PTPN12: variants seen among roughly 807,000 people sequenced by gnomAD.
The protein encoded by PTPN12 is protein tyrosine phosphatase non-receptor type 12, also known as tyrosine-protein phosphatase non-receptor type 12.
A neutral mutation model predicts 97.6 loss-of-function variants in PTPN12; 29 were observed. The ratio of observed to expected loss-of-function variants is 0.30; its 90% CI spans 0.22 to 0.41. The LOEUF (loss-of-function observed/expected upper bound fraction) is 0.41, where lower values mean the gene tolerates loss of function less well. Ranked by LOEUF, PTPN12 falls within the 10% of genes least tolerant of loss-of-function variation. The probability of loss-of-function intolerance (pLI) is 1.00; values close to 1 mark genes in which losing one functional copy is unlikely to be tolerated. For missense variants in PTPN12, 819 were observed against 926.0 expected, an observed-to-expected ratio of 0.88 and a Z score of 1.50; for synonymous variants, 327 against 300.4, an observed-to-expected ratio of 1.09 and a Z score of -0.91.
chr7:77,568,038 GT>G (rs1808330981), intron 1 of PTPN12, among the ~76,000 whole-genome samples: 3 of 152,102 alleles, frequency 2.0e-5, no homozygotes, highest in South Asian at 4.1e-4. Context: ...ACAAAACAAA[GT>G]TTTTACTTGT....
At chr7:77,575,800 T>C (rs1787323883) in intron 2 of PTPN12, among the ~76,000 whole-genome samples, 1 of 152,198 alleles carries the variant, frequency 6.6e-6, no homozygotes, top group Admixed American at 6.5e-5. Context: ...TCCTTTTCTG[T>C]GAATTTAATA....
chr7:77,609,617 A>C (rs1031701334), intron 9 of PTPN12, among the ~76,000 whole-genome samples: 6 of 149,098 alleles, frequency 4.0e-5, no homozygotes, highest in Admixed American at 1.3e-4. Flanking sequence ...GCGGTGGCTC[A>C]CGCCTGTAAT....
rs758489821 is a variant in PTPN12 at position 77,627,252 on chromosome 7, C to G, written c.1573C>G (p.Arg525Gly). ...QNSDTPPRPD[R>G]LPLDEKGHVT... ...TTCAGACACACCTCCAAGGCCAGAC[C>G]GCTTGCCTCTTGATGAGAAAGGACA... Residue 525 changes from arginine (R) to glycine (G), a missense_variant, in exon 13 of 18, where the codon CGC (arginine) becomes GGC (glycine). Physicochemically the swap from Arg to Gly is moderately radical, Grantham distance 125. Transcript: ENST00000248594. The G allele has an allele frequency of 1.9e-6, 3 of 1,613,920 alleles. No homozygotes were observed. The highest frequency in any genetic ancestry group is 2.5e-6 in the Non-Finnish European group (3 of 1,179,912).
rs180944445 is a variant in PTPN12, at chr7:77,546,854, C to T, written c.99+9209C>T. Among the ~76,000 whole-genome samples the T allele has an allele frequency of 2.6e-5, 4 of 152,234 alleles. No individual in the cohort carries two copies. In the East Asian group the frequency reaches 7.7e-4, roughly 29 times the overall value. The stretch of plus-strand genomic sequence containing the variant: ...GGAGAATGAACATGGGAGGAACTAC[C>T]AAACATTTGTAAAACCATCAGATCT... On this transcript the variant is annotated intron_variant, in intron 1 of 17. Transcript: ENST00000248594.
At chr7:77,540,301 A>G (rs1165066275) in intron 1 of PTPN12, among the ~76,000 whole-genome samples, 1 of 149,548 alleles carries the variant, frequency 6.7e-6, no homozygotes, top group South Asian at 2.1e-4. Flanking sequence ...GCAGTGGCTC[A>G]ATCTCGGCTC....
At chr7:77,540,660 T>A (rs561768503) in intron 1 of PTPN12, among the ~76,000 whole-genome samples, 156 of 150,068 alleles carry the variant, frequency 1.0e-3, no homozygotes, top group Middle Eastern at 6.8e-3. Context: ...TTTTTTTTTT[T>A]AATTTCCTGA....
chr7:77,577,095 C>G (rs1195754330), intron 2 of PTPN12, among the ~76,000 whole-genome samples: 1 of 152,180 alleles, frequency 6.6e-6, no homozygotes, highest in African/African-American at 2.4e-5. Flanking sequence ...CCAGCCCACC[C>G]CTTCTTTGCT....
chr7:77,545,539 C>T (rs2151296275), intron 1 of PTPN12, among the ~76,000 whole-genome samples: 1 of 152,002 alleles, frequency 6.6e-6, no homozygotes, highest in African/African-American at 2.4e-5. Flanking sequence ...GTAATTATGT[C>T]TGTCTCTCTT....
At chr7:77,542,332 A>C (rs1458118033) in intron 1 of PTPN12, among the ~76,000 whole-genome samples, 1 of 152,146 alleles carries the variant, frequency 6.6e-6, no homozygotes, top group Non-Finnish European at 1.5e-5. Context: ...CTTGAGTTGT[A>C]CTCTGAACCT....
At chr7:77,573,547 G>A (rs1299663426) in intron 2 of PTPN12, among the ~76,000 whole-genome samples, 1 of 152,166 alleles carries the variant, frequency 6.6e-6, no homozygotes, top group Non-Finnish European at 1.5e-5. Flanking sequence ...TTTAACTTAT[G>A]AATTTGGGAA....
Position 77,610,983 on chromosome 7 carries a change from A to C in PTPN12, c.876A>C (p.Gln292His). The change falls in exon 11 of 18, where the codon CAA (glutamine) becomes CAC (histidine). Residue 292 changes from glutamine to histidine, a missense_variant. Physicochemically the swap from Gln to His is conservative, Grantham distance 24. Coordinates refer to ENST00000248594, the MANE Select transcript of PTPN12 (RefSeq NM_002835.4). ...AACTTGTTCATAGAGCTATTGCCCA[A>C]CTGTTTGAAAAACAGCTACAACTAT... ...QYELVHRAIA[Q>H]LFEKQLQLYE... is the part of the protein sequence containing the mutation. The C allele has an allele frequency of 2.5e-6, 4 of 1,613,430 alleles. No homozygotes were observed. Among genetic ancestry groups the C allele is most frequent in the Non-Finnish European group, 3.4e-6 (4 of 1,179,692 alleles).
At chr7:77,548,074 A>G (rs1306560509) in intron 1 of PTPN12, among the ~76,000 whole-genome samples, 1 of 152,156 alleles carries the variant, frequency 6.6e-6, no homozygotes, top group Non-Finnish European at 1.5e-5. Context: ...TCACATGGTA[A>G]ATGTTCTTAA....
intron 5 of PTPN12, among the ~76,000 whole-genome samples, chr7:77,588,908 T>C (rs1252115849): frequency 6.6e-6 from 1 of 152,176 alleles, no homozygotes; most frequent in Non-Finnish European, 1.5e-5. Context: ...AATCCTGCTG[T>C]GTCAGTCAGG....
At chr7:77,542,386 A>T (rs1278755562) in intron 1 of PTPN12, among the ~76,000 whole-genome samples, 1 of 152,182 alleles carries the variant, frequency 6.6e-6, no homozygotes. Flanking sequence ...GAGAATCATT[A>T]GTCTGGGTTT....
intron 12 of PTPN12, among the ~76,000 whole-genome samples, chr7:77,623,892 A>T (rs912557323): frequency 6.6e-6 from 1 of 152,198 alleles, no homozygotes; most frequent in African/African-American, 2.4e-5. Context: ...CATATGCTTT[A>T]TAAATTGTAG....
At chr7:77,569,093 G>T (rs1273926357) in intron 1 of PTPN12, among the ~76,000 whole-genome samples, 1 of 152,082 alleles carries the variant, frequency 6.6e-6, no homozygotes, top group Non-Finnish European at 1.5e-5. Flanking sequence ...GATATGAAAA[G>T]ACATAATAGT....
Position 77,634,205 on chromosome 7 carries a change from A to G in PTPN12, c.2075-1577A>G, listed in dbSNP as rs149004934. Among the ~76,000 whole-genome samples the G allele has an allele frequency of 3.3e-3, 498 of 152,096 alleles. 4 individuals carry two copies. The highest frequency in any genetic ancestry group is 0.01 in the African/African-American group (433 of 41,492). On this transcript the variant is annotated intron_variant, in intron 14 of 17. Transcript: ENST00000248594. ...CAGTGAGACCCCGTCTGTGGAAGAA[A>G]AAAAAAAGACCACTGGAGTATCAGA...
intron 11 of PTPN12, among the ~76,000 whole-genome samples, chr7:77,614,028 A>G (rs187362667): frequency 1.3e-5 from 2 of 152,052 alleles, no homozygotes; most frequent in East Asian, 1.9e-4. Flanking sequence ...AGTAGCTGAG[A>G]CTATAGGCAC....
intron 5 of PTPN12, 143 bp downstream of exon 5, chr7:77,585,724 G>A: frequency 1.7e-6 from 1 of 587,234 alleles, no homozygotes; most frequent in East Asian, 3.1e-5. Flanking sequence ...TTCATACAAG[G>A]GACAAAATAA....
Sources: allele counts gnomAD v4.1 joint callset (sites outside exome capture counted in the v4.1 genomes callset), GRCh38; gene constraint gnomAD v4.1.1; transcripts MANE v1.5; gene names NCBI Gene and HGNC (gene_info 2026-07-23, HGNC 2026-07-21).